Variants in STXBP5L observed in about 807,000 individuals in gnomAD.
STXBP5L encodes syntaxin binding protein 5L, also known as syntaxin-binding protein 5-like.
STXBP5L carries 65 observed loss-of-function variants against 144.5 expected under a neutral mutation model. The observed-to-expected ratio is 0.45, with a 90% CI of 0.37 to 0.55. The LOEUF is 0.55. Among genes scored for constraint, STXBP5L ranks in the 20% least tolerant of loss-of-function variants. The pLI, the probability that STXBP5L is intolerant of heterozygous loss-of-function variation, is 0.00. For synonymous variants in STXBP5L, 505 were observed against 469.6 expected (o/e 1.08, Z -0.97); for missense variants, 1,298 against 1,405.5 (o/e 0.92, Z 1.22).
At chr3:121,173,617 T>A (rs2046818694) in intron 9 of STXBP5L, among the ~76,000 whole-genome samples, 1 of 152,008 alleles carries the variant, frequency 6.6e-6, no homozygotes, top group African/African-American at 2.4e-5. Context: ...GATTAACAAC[T>A]ATTTTGTGTA....
intron 9 of STXBP5L, among the ~76,000 whole-genome samples, chr3:121,200,117 C>G (rs1295603927): frequency 6.6e-6 from 1 of 151,958 alleles, no homozygotes; most frequent in Non-Finnish European, 1.5e-5. Context: ...CGTTCTTGGA[C>G]TTTTTTGGTT....
chr3:121,132,522 G>C (rs944250968), intron 7 of STXBP5L, among the ~76,000 whole-genome samples: 8 of 152,186 alleles, frequency 5.3e-5, no homozygotes, highest in Non-Finnish European at 8.8e-5. Context: ...GCCAATTGGT[G>C]GGGTACTTCT....
chr3:121,015,411 T>A (rs949280307), intron 3 of STXBP5L, among the ~76,000 whole-genome samples: 1 of 152,112 alleles, frequency 6.6e-6, no homozygotes, highest in African/African-American at 2.4e-5. Context: ...AGTGAAAACC[T>A]ACAGCCAGAA....
At chr3:121,043,664 G>A (rs577810822) in intron 4 of STXBP5L, among the ~76,000 whole-genome samples, 6 of 152,128 alleles carry the variant, frequency 3.9e-5, no homozygotes, top group Non-Finnish European at 5.9e-5. Flanking sequence ...AGCTAAGATC[G>A]CACCACTGCA....
intron 3 of STXBP5L, among the ~76,000 whole-genome samples, chr3:121,011,675 G>C (rs1312945300): frequency 6.6e-6 from 1 of 151,302 alleles, no homozygotes; most frequent in Non-Finnish European, 1.5e-5. Flanking sequence ...AAAAAAAAAA[G>C]TTATTACAGA....
intron 9 of STXBP5L, chr3:121,158,152 G>C (rs2046186952): frequency 6.6e-6 from 1 of 152,272 alleles, no homozygotes; most frequent in Non-Finnish European, 1.5e-5. Flanking sequence ...TCCTAAATGA[G>C]GATTTTAATC....
chr3:121,070,840 A>T (rs1169756955), intron 5 of STXBP5L, among the ~76,000 whole-genome samples: 1 of 152,200 alleles, frequency 6.6e-6, no homozygotes. Context: ...TTTGTTTACA[A>T]GTTTACTGAC....
intron 5 of STXBP5L, among the ~76,000 whole-genome samples, chr3:121,055,267 A>G (rs1174813264): frequency 1.3e-5 from 2 of 152,184 alleles, no homozygotes; most frequent in Non-Finnish European, 2.9e-5. Context: ...TTCAGGTCCT[A>G]TAGGAGAATT....
intron 5 of STXBP5L, among the ~76,000 whole-genome samples, chr3:121,052,303 T>A (rs1361070733): frequency 6.6e-6 from 1 of 152,022 alleles, no homozygotes; most frequent in African/African-American, 2.4e-5. Flanking sequence ...AAAAGAGAAT[T>A]TAAGACCAAT....
chr3:121,281,726 T>C (rs1032672219), intron 19 of STXBP5L, among the ~76,000 whole-genome samples: 1 of 152,010 alleles, frequency 6.6e-6, no homozygotes, highest in Non-Finnish European at 1.5e-5. Context: ...AGAACATTGA[T>C]GACTTTAAAA....
intron 22 of STXBP5L, 35 bp downstream of exon 22, chr3:121,381,567 A>C (rs17740072): frequency 3.2e-6 from 5 of 1,571,898 alleles, no homozygotes; most frequent in Admixed American, 4.3e-5. Flanking sequence ...CTTCACTGTT[A>C]CTTTTTCAAA....
In STXBP5L at chr3:121,133,201, T is replaced by C. The variant is rs559957580; in HGVS notation, c.669+11497T>C. 1.9e-3 allele frequency among the ~76,000 whole-genome samples: 282 copies of C among 152,194 alleles called. 1 individual carries two copies. Among genetic ancestry groups the C allele is most frequent in the African/African-American group, 6.5e-3 (270 of 41,540 alleles). On this transcript the variant is annotated intron_variant, in intron 7 of 26. Coordinates refer to ENST00000471454, the MANE Select transcript of STXBP5L (RefSeq NM_001308330.2). The stretch of plus-strand genomic sequence containing the variant: ...CCTGGACAACATGACAAGACCCTGA[T>C]TTTATGAAAAAGAAAAAAGATGTAA...
intron 5 of STXBP5L, among the ~76,000 whole-genome samples, chr3:121,059,102 T>G (rs539838145): frequency 6.6e-6 from 1 of 152,224 alleles, no homozygotes; most frequent in Admixed American, 6.5e-5. Flanking sequence ...TTTTATGATT[T>G]TAGGTCTTAC....
At chr3:121,322,205 G>A (rs773388236) in intron 20 of STXBP5L, among the ~76,000 whole-genome samples, 22 of 152,188 alleles carry the variant, frequency 1.4e-4, no homozygotes, top group East Asian at 3.9e-4. Flanking sequence ...TTGGCTGGGC[G>A]CCGTGGCTCA....
intron 8 of STXBP5L, among the ~76,000 whole-genome samples, chr3:121,155,523 A>G (rs961271915): frequency 2.0e-5 from 3 of 151,922 alleles, no homozygotes; most frequent in Non-Finnish European, 4.4e-5. Context: ...CTGAGTTGAT[A>G]AAACTAGCTA....
chr3:121,145,634 G>A lies in STXBP5L; in HGVS notation c.670-6843G>A, dbSNP rs72966155. Among the ~76,000 whole-genome samples, 537 of 151,930 alleles carry A rather than the reference G, an allele frequency of 3.5e-3. 2 individuals carry two copies. Among genetic ancestry groups the A allele is most frequent in the African/African-American group, 8.9e-3 (371 of 41,494 alleles). On this transcript the variant is annotated intron_variant, in intron 7 of 26. Coordinates refer to ENST00000471454, the MANE Select transcript of STXBP5L (RefSeq NM_001308330.2). ...AAGAAAAGAATAAAGAACCACAAACGTGTTAAACTAAGGAAATATTTTATA... is the reference window on the plus strand; with the variant it reads ...AAGAAAAGAATAAAGAACCACAAACATGTTAAACTAAGGAAATATTTTATA...
chr3:120,961,063 G>A (rs918113510), intron 3 of STXBP5L, among the ~76,000 whole-genome samples: 3 of 152,062 alleles, frequency 2.0e-5, no homozygotes, highest in African/African-American at 7.2e-5. Flanking sequence ...GGTTGTATAT[G>A]TCTAGAAATT....
In STXBP5L at chr3:121,203,498, C is replaced by T. The variant is rs542534028; in HGVS notation, c.878-2425C>T. ...TTGTTTAATACCCTAACACTTGGTA[C>T]ACTACTCTGAATGTTAGGAATAGTA... On this transcript the variant is annotated intron_variant, in intron 9 of 26. Coordinates refer to ENST00000471454, the MANE Select transcript of STXBP5L (RefSeq NM_001308330.2). Among the ~76,000 whole-genome samples, 5 of 152,194 alleles carry T rather than the reference C, an allele frequency of 3.3e-5. No homozygotes were observed. The South Asian group carries it at 1.0e-3, about 32-fold the overall frequency.
intron 25 of STXBP5L, among the ~76,000 whole-genome samples, chr3:121,416,175 T>A (rs3732405): frequency 0.59 from 90,154 of 151,790 alleles, 27,798 homozygotes; most frequent in East Asian, 0.89. Context: ...TCACTTCATA[T>A]TAGGAAATTG....
Sources: gnomAD v4.1 joint callset for allele counts (sites outside exome capture counted in the v4.1 genomes callset) on GRCh38, gnomAD v4.1.1 for gene constraint, MANE v1.5 for transcripts, NCBI Gene and HGNC (gene_info 2026-07-23, HGNC 2026-07-21) for gene names.